NBPF9: variants seen among roughly 807,000 people sequenced by gnomAD.
NBPF9 encodes NBPF member 9.
NBPF9 carries 91 observed loss-of-function variants against 97.8 expected under a neutral mutation model. The observed-to-expected ratio is 0.93, with a 90% confidence interval of 0.79 to 1.11. The LOEUF (loss-of-function observed/expected upper bound fraction) is 1.11, where lower values mean the gene tolerates loss of function less well. Among genes scored for constraint, NBPF9 ranks in the 50% least tolerant of loss-of-function variants. The pLI is 0.00. For missense variants in NBPF9, 992 were observed against 939.5 expected (o/e 1.06, Z -0.73); for synonymous variants, 334 against 359.5 (o/e 0.93, Z 0.80).
intron 5 of NBPF9, among the ~76,000 whole-genome samples, chr1:149,084,841 G>T (rs1297627340): frequency 1.9e-4 from 29 of 149,758 alleles, no homozygotes; most frequent in Admixed American, 6.0e-4. Context: ...TGCAGGATGG[G>T]GAATTGACCA....
At chr1:149,073,324 A>T (rs2079567311) in intron 13 of NBPF9, among the ~76,000 whole-genome samples, 1 of 140,420 alleles carries the variant, frequency 7.1e-6, no homozygotes, top group South Asian at 2.5e-4. Flanking sequence ...CCAGGGGCAG[A>T]TGGGGCGAAT....
At chr1:149,056,017 A>C in intron 29 of NBPF9, 118 bp from the exon 30 acceptor site, 1 of 1,588,668 alleles carries the variant, frequency 6.3e-7, no homozygotes, top group South Asian at 1.2e-5. Context: ...TAGATCCATT[A>C]ATGAGGTAAA....
exon 4 of NBPF9, chr1:149,098,657 G>T: frequency 1.0e-6 from 1 of 973,286 alleles, no homozygotes; most frequent in Non-Finnish European, 1.3e-6. Context: ...GAGAGCCTGG[G>T]TCACCAGGAA....
chr1:149,099,612 C>A (rs1475519811), intron 3 of NBPF9, among the ~76,000 whole-genome samples: 1 of 152,116 alleles, frequency 6.6e-6, no homozygotes, highest in African/African-American at 2.4e-5. Flanking sequence ...ATAATAACAA[C>A]AATGAATACT....
At chr1:149,060,988 A>C (rs1218059230) in intron 23 of NBPF9, 1 of 418,030 alleles carries the variant, frequency 2.4e-6, no homozygotes, top group Non-Finnish European at 4.3e-6. Flanking sequence ...TGAGGGAGTA[A>C]CAGGACACTC....
At chr1:149,073,011 A>T in intron 13 of NBPF9, 79 bp from the exon 14 acceptor site, 1 of 1,516,394 alleles carries the variant, frequency 6.6e-7, no homozygotes, top group Non-Finnish European at 9.2e-7. Flanking sequence ...GAGATTTCTG[A>T]AACAGTGTCC....
chr1:149,067,364 G>C (rs2079097026), intron 17 of NBPF9, among the ~76,000 whole-genome samples: 1 of 128,050 alleles, frequency 7.8e-6, no homozygotes, highest in African/African-American at 3.0e-5. Flanking sequence ...ACAACGTGCA[G>C]GTTAGTTACA....
chr1:149,087,350 C>CAT (rs2081096322), intron 5 of NBPF9, among the ~76,000 whole-genome samples: 1 of 148,462 alleles, frequency 6.7e-6, no homozygotes, highest in East Asian at 2.0e-4. Context: ...CACACACACA[C>CAT]GTTTGTGTGT....
At chr1:149,066,007 T>C (rs2079020354) in intron 17 of NBPF9, 1 of 513,464 alleles carries the variant, frequency 1.9e-6, no homozygotes, top group Admixed American at 3.3e-5. Context: ...CTACTTTGCA[T>C]AAATTGGGTT....
At chr1:149,062,665 A>C (rs1410129834) in intron 21 of NBPF9, among the ~76,000 whole-genome samples, 197 bp downstream of exon 21, 2 of 150,034 alleles carry the variant, frequency 1.3e-5, no homozygotes, top group East Asian at 3.9e-4. Context: ...TGGTCAACCT[A>C]TAGTAAGTTA....
At position 149,074,539 on chromosome 1, in the gene NBPF9, T is replaced by C. The variant is rs189061394; in HGVS notation, c.989-669A>G. On this transcript the variant is annotated intron_variant, in intron 12 of 29. Coordinates refer to ENST00000584027, the Ensembl canonical transcript of NBPF9. Reference sequence around the variant, plus strand: ...TAGGAGACTGACAAGAAACAGCTCATGTAATTCACTGCAGCAATTTACAGA... The same window carrying C: ...TAGGAGACTGACAAGAAACAGCTCACGTAATTCACTGCAGCAATTTACAGA... Among the ~76,000 whole-genome samples the C allele has an allele frequency of 1.1e-4, 16 of 151,502 alleles. 1 individual carries two copies. Among genetic ancestry groups the C allele is most frequent in the Non-Finnish European group, 1.9e-4 (13 of 67,746 alleles).
At chr1:149,096,081 C>T (rs1221862164) in intron 4 of NBPF9, among the ~76,000 whole-genome samples, 2 of 152,058 alleles carry the variant, frequency 1.3e-5, no homozygotes, top group African/African-American at 4.8e-5. Context: ...CTTAAAAGTA[C>T]ATAATGCTAG....
downstream of NBPF9, among the ~76,000 whole-genome samples, chr1:149,052,676 T>C (rs2077980156): frequency 1.3e-5 from 2 of 150,110 alleles, no homozygotes; most frequent in Admixed American, 1.3e-4. Context: ...ATTTCATAGG[T>C]ATGTGGCTAA....
exon 16 of NBPF9, chr1:149,071,086 C>A (rs1553652845): frequency 2.5e-6 from 4 of 1,610,276 alleles, no homozygotes; most frequent in South Asian, 1.1e-5. Context: ...AGTGATGGCA[C>A]ATTCCTCCAG....
chr1:149,062,857 G>A lies in NBPF9; in HGVS notation c.2078+5C>T. 2 of 670,072 alleles carry A rather than the reference G, an allele frequency of 3.0e-6. No homozygotes were observed. Among genetic ancestry groups the A allele is most frequent in the Non-Finnish European group, 5.3e-6 (2 of 378,050 alleles). The allele number at this position is 670,072 out of a possible 1,614,324, so 41.5% of individuals were successfully genotyped here. On this transcript the variant is annotated splice_donor_5th_base_variant and intron_variant, in intron 21 of 29. Transcript: ENST00000584027. ...AATTAAGCATCCATAATTGCTCAAA[G>A]TTACCTGGGGCATGATGGGTCTTGG...
At chr1:149,074,474 G>C (rs1354877848) in intron 12 of NBPF9, among the ~76,000 whole-genome samples, 1 of 151,510 alleles carries the variant, frequency 6.6e-6, no homozygotes, top group Non-Finnish European at 1.5e-5. Flanking sequence ...GCAGAATGAA[G>C]AACTAATAGA....
intron 5 of NBPF9, among the ~76,000 whole-genome samples, chr1:149,083,018 C>T (rs2080653928): frequency 8.3e-6 from 1 of 120,042 alleles, no homozygotes; most frequent in Non-Finnish European, 1.6e-5. Flanking sequence ...ACTGTGTTAG[C>T]CACGATGGTC....
At chr1:149,063,965 G>C (rs1406144538) in intron 19 of NBPF9, among the ~76,000 whole-genome samples, 160 bp from the exon 20 acceptor site, 1 of 141,116 alleles carries the variant, frequency 7.1e-6, no homozygotes, top group Non-Finnish European at 1.5e-5. Context: ...GATAGACTAG[G>C]GCCAGGTAGA....
chr1:149,099,464 A>C (rs587652939), intron 3 of NBPF9, among the ~76,000 whole-genome samples: 5 of 152,232 alleles, frequency 3.3e-5, no homozygotes, highest in African/African-American at 9.6e-5. Context: ...TCATTCATTC[A>C]TTTAACAAAT....
Sources: allele counts gnomAD v4.1 joint callset (sites outside exome capture counted in the v4.1 genomes callset), GRCh38; gene constraint gnomAD v4.1.1; transcripts MANE v1.5; gene names NCBI Gene and HGNC (gene_info 2026-07-23, HGNC 2026-07-21).